Variants in KPNA3 observed in about 807,000 individuals in gnomAD.
KPNA3 encodes the protein importin subunit alpha-4.
Under a neutral mutation model 73.8 loss-of-function variants are expected in KPNA3, and 13 were observed. The ratio of observed to expected loss-of-function variants is 0.18; its 90% CI spans 0.11 to 0.28. The LOEUF is 0.28. Among genes scored for constraint, KPNA3 ranks in the 10% least tolerant of loss-of-function variants. The pLI is 1.00. For missense variants in KPNA3, 360 were observed against 618.1 expected, an observed-to-expected ratio of 0.58 and a Z score of 4.43; for synonymous variants, 186 against 206.9, an observed-to-expected ratio of 0.90 and a Z score of 0.87.
Position 49,719,825 on chromosome 13 carries a change from G to T in KPNA3, c.727-6C>A, listed in dbSNP as rs371682319. 1.9e-5 allele frequency: 29 copies of T among 1,558,566 alleles called. No homozygotes were observed. Among genetic ancestry groups the T allele is most frequent in the Non-Finnish European group, 2.5e-5 (28 of 1,131,708 alleles). On this transcript the variant is annotated splice_polypyrimidine_tract_variant and splice_region_variant and intron_variant, in intron 9 of 16. Coordinates refer to ENST00000261667, the MANE Select transcript of KPNA3 (RefSeq NM_002267.4). ...ACACATAAAGCTGGCAAAATCTGAG[G>T]AAAGAAAATAAACAATACTTAACAT...
At chr13:49,741,744 G>A (rs1009628971) in intron 2 of KPNA3, among the ~76,000 whole-genome samples, 7 of 152,150 alleles carry the variant, frequency 4.6e-5, no homozygotes, top group Non-Finnish European at 8.8e-5. Flanking sequence ...GTGAGCCACC[G>A]TGCCCAATCC....
Position 49,701,595 on chromosome 13 carries a change from A to C in KPNA3, c.*205T>G, listed in dbSNP as rs1566329383. Reference sequence around the variant, plus strand: ...GTTAAGGAGAGTTCTAAAACAGTTTAGGAAATCATGCATATGCATTTACAG... The same window carrying C: ...GTTAAGGAGAGTTCTAAAACAGTTTCGGAAATCATGCATATGCATTTACAG... On this transcript the variant is annotated 3_prime_UTR_variant, in exon 17 of 17. Transcript: ENST00000261667. 3 of 688,932 alleles carry C rather than the reference A, an allele frequency of 4.4e-6. No individual in the cohort carries two copies. Among genetic ancestry groups the C allele is most frequent in the South Asian group, 2.9e-5 (2 of 69,254 alleles). 42.7% of individuals were successfully genotyped at this position (688,932 alleles called of 1,614,324 possible).
chr13:49,724,282 T>G (rs567198166), intron 7 of KPNA3, among the ~76,000 whole-genome samples: 1 of 152,020 alleles, frequency 6.6e-6, no homozygotes, highest in African/African-American at 2.4e-5. Flanking sequence ...CACCTAGGAG[T>G]AGAACTGCTG....
At chr13:49,702,605 T>C (rs532301933) in intron 15 of KPNA3, 125 bp from the exon 16 acceptor site, 9 of 521,632 alleles carry the variant, frequency 1.7e-5, no homozygotes, top group East Asian at 1.4e-4. Context: ...CCATCTAAGA[T>C]AGTGGTTTGT....
At chr13:49,777,295 T>C (rs1332762278) in intron 1 of KPNA3, among the ~76,000 whole-genome samples, 1 of 152,164 alleles carries the variant, frequency 6.6e-6, no homozygotes, top group East Asian at 1.9e-4. Context: ...TGTACCCCTT[T>C]TGTGTTTCTG....
chr13:49,711,150 C>T (rs1203331003), intron 10 of KPNA3, 128 bp from the exon 11 acceptor site: 2 of 699,206 alleles, frequency 2.9e-6, no homozygotes, highest in Non-Finnish European at 4.6e-6. Context: ...GCAAAAATAT[C>T]TGCTTAGCTG....
chr13:49,706,993 C>A (rs1954214104), intron 12 of KPNA3, among the ~76,000 whole-genome samples: 1 of 152,158 alleles, frequency 6.6e-6, no homozygotes, highest in Non-Finnish European at 1.5e-5. Flanking sequence ...TCGTGATCCA[C>A]CCGCCTAGGC....
At chr13:49,765,109 T>C (rs1214560862) in intron 1 of KPNA3, among the ~76,000 whole-genome samples, 1 of 152,226 alleles carries the variant, frequency 6.6e-6, no homozygotes, top group African/African-American at 2.4e-5. Context: ...CTACAAACCC[T>C]TTCTAGGTTA....
At chr13:49,734,950 T>TAGAGAGAGAGAGAGAGAGAGAG (rs879944192) in intron 2 of KPNA3, among the ~76,000 whole-genome samples, 19 of 76,174 alleles carry the variant, frequency 2.5e-4, no homozygotes, top group African/African-American at 6.6e-4. Flanking sequence ...GAGAGAGAGA[T>TAGAGAGAGAGAGAGAGAGAGAG]AGATAGAGAG....
intron 1 of KPNA3, among the ~76,000 whole-genome samples, chr13:49,772,182 T>A (rs1954861416): frequency 6.6e-6 from 1 of 152,214 alleles, no homozygotes; most frequent in Admixed American, 6.5e-5. Flanking sequence ...CTTGCCTAAT[T>A]GTGTTGGCTA....
intron 15 of KPNA3, among the ~76,000 whole-genome samples, chr13:49,704,137 C>T (rs962742602): frequency 6.6e-6 from 1 of 152,014 alleles, no homozygotes; most frequent in African/African-American, 2.4e-5. Flanking sequence ...AAGAAACCCT[C>T]CCGGCTGGGT....
chr13:49,767,516 T>C (rs9568320), intron 1 of KPNA3, among the ~76,000 whole-genome samples: 16,508 of 152,140 alleles, frequency 0.11, 983 homozygotes, highest in African/African-American at 0.15. Context: ...GTGGTGATGG[T>C]TTCATCAGTG....
intron 1 of KPNA3, among the ~76,000 whole-genome samples, chr13:49,757,115 T>C (rs1429081163): frequency 6.6e-6 from 1 of 152,182 alleles, no homozygotes; most frequent in Non-Finnish European, 1.5e-5. Context: ...CTTTGGGATC[T>C]GGGGCTAGGC....
At chr13:49,727,511 T>C (rs1188928366) in intron 6 of KPNA3, among the ~76,000 whole-genome samples, 1 of 150,766 alleles carries the variant, frequency 6.6e-6, no homozygotes, top group East Asian at 1.9e-4. Context: ...AACAAAAGGT[T>C]TTAAGGAGAA....
intron 1 of KPNA3, among the ~76,000 whole-genome samples, chr13:49,751,899 G>C (rs1025491312): frequency 2.0e-5 from 3 of 152,120 alleles, no homozygotes; most frequent in Admixed American, 6.6e-5. Flanking sequence ...TAGAGACCCT[G>C]TCCCCAAAAC....
chr13:49,744,515 T>C (rs1050538398), intron 2 of KPNA3, among the ~76,000 whole-genome samples: 7 of 152,298 alleles, frequency 4.6e-5, no homozygotes, highest in East Asian at 1.9e-4. Flanking sequence ...CCATTGATGA[T>C]TGAAACAAAA....
At chr13:49,733,283 T>G (rs1236582964) in intron 2 of KPNA3, among the ~76,000 whole-genome samples, 4 of 38,768 alleles carry the variant, frequency 1.0e-4, no homozygotes, top group Non-Finnish European at 2.0e-4. Context: ...CACTGTGGTG[T>G]TTTTTTTTTT....
chr13:49,780,367 C>T (rs980450493), intron 1 of KPNA3, among the ~76,000 whole-genome samples: 1 of 152,108 alleles, frequency 6.6e-6, no homozygotes, highest in African/African-American at 2.4e-5. Flanking sequence ...AAAAAACTTG[C>T]CAACCTCTAT....
At chr13:49,784,292 AACAAATAAGAGGAACCAGTTAAGCACC>A (rs1440487714) in intron 1 of KPNA3, among the ~76,000 whole-genome samples, 1 of 152,194 alleles carries the variant, frequency 6.6e-6, no homozygotes, top group Non-Finnish European at 1.5e-5. Flanking sequence ...GTGGTAAAAA[AACAAATAAGAGGAACCAGTTAAGCACC>A]ACCAGAAGGA....
Sources: gnomAD v4.1 joint callset for allele counts (sites outside exome capture counted in the v4.1 genomes callset) on GRCh38, gnomAD v4.1.1 for gene constraint, MANE v1.5 for transcripts, NCBI Gene and HGNC (gene_info 2026-07-23, HGNC 2026-07-21) for gene names.